The following FGF14 variants were observed in gnomAD, a reference collection of about 807,000 sequenced individuals.
FGF14 encodes fibroblast growth factor homologous factor 4.
In FGF14, 5 loss-of-function variants were observed where a neutral mutation model predicts 25.5. The observed-to-expected ratio is 0.20, with a 90% CI of 0.10 to 0.41. The LOEUF (loss-of-function observed/expected upper bound fraction) is 0.41, where lower values mean the gene tolerates loss of function less well. FGF14 is among the 10% of genes least tolerant of loss of function. The pLI is 1.00. For synonymous variants in FGF14, 138 were observed against 118.3 expected (o/e 1.17, Z -1.08); for missense variants, 222 against 320.1 (o/e 0.69, Z 2.34).
At chr13:101,881,265 C>G (rs1375584884) in intron 1 of FGF14, among the ~76,000 whole-genome samples, 2 of 152,198 alleles carry the variant, frequency 1.3e-5, no homozygotes, top group African/African-American at 2.4e-5. Context: ...GAAAAGCACT[C>G]TTTCCAACAC....
intron 1 of FGF14, among the ~76,000 whole-genome samples, chr13:102,240,741 A>G (rs1427724044): frequency 4.6e-5 from 7 of 152,136 alleles, no homozygotes; most frequent in Non-Finnish European, 5.9e-5. Context: ...TTTTTAAAAC[A>G]TTTTTTTGAA....
At chr13:102,387,655 T>C (rs535316889) in intron 1 of FGF14, among the ~76,000 whole-genome samples, 7 of 152,304 alleles carry the variant, frequency 4.6e-5, no homozygotes, top group African/African-American at 1.7e-4. Context: ...CACAGGGGTT[T>C]GGTGTACAGA....
At chr13:101,725,874 G>A (rs2035385144) in intron 4 of FGF14, among the ~76,000 whole-genome samples, 1 of 152,052 alleles carries the variant, frequency 6.6e-6, no homozygotes, top group Non-Finnish European at 1.5e-5. Flanking sequence ...AATCATTAAT[G>A]AGAGAGGTGC....
chr13:101,721,087 A>ATAAC lies in FGF14; in HGVS notation c.*1740_*1743dup, dbSNP rs1215221253. 1 of 152,146 alleles carries ATAAC rather than the reference A, an allele frequency of 6.6e-6. No individual in the cohort carries two copies. The highest frequency in any genetic ancestry group is 2.4e-5 in the African/African-American group (1 of 41,454). The allele number at this position is 152,146 out of a possible 1,614,324, so 9.4% of individuals were successfully genotyped here. A position where few individuals can be genotyped will look rare whatever the true frequency, so the allele number is the denominator to read the frequency against. ...TGGGTCATCCTCCCACATAGAAAGA[A>ATAAC]TAACAAGAGGCCAGTACATTGATCC... On this transcript the variant is annotated 3_prime_UTR_variant, in exon 5 of 5. Transcript: ENST00000376143.
At chr13:102,272,855 G>A (rs1422849949) in intron 1 of FGF14, among the ~76,000 whole-genome samples, 1 of 152,024 alleles carries the variant, frequency 6.6e-6, no homozygotes, top group Non-Finnish European at 1.5e-5. Flanking sequence ...CTTAACCACT[G>A]TACTATGTAC....
In FGF14 at chr13:102,157,834, AAAC is replaced by A. The variant is rs375132300; in HGVS notation, c.208+243634_208+243636del. ...TCAAACAAATTTACAAGAAAAGAACAAACAACCCCATCAAAAAGTGGGAGAAGA... is the reference window on the plus strand; with the variant it reads ...TCAAACAAATTTACAAGAAAAGAACAAACCCCATCAAAAAGTGGGAGAAGA... On this transcript the variant is annotated intron_variant, in intron 1 of 4. Coordinates refer to the FGF14 transcript ENST00000376131. Among the ~76,000 whole-genome samples, 48 of 152,348 alleles carry A rather than the reference AAAC, an allele frequency of 3.2e-4. 1 individual carries two copies. The East Asian group carries it at 9.1e-3, about 29-fold the overall frequency.
chr13:102,236,236 A>C (rs1297579234), intron 1 of FGF14, among the ~76,000 whole-genome samples: 1 of 152,136 alleles, frequency 6.6e-6, no homozygotes, highest in African/African-American at 2.4e-5. Flanking sequence ...GACTTGCCCG[A>C]ATTATTCGTT....
At chr13:102,033,906 T>A (rs1416861208) in intron 1 of FGF14, among the ~76,000 whole-genome samples, 1 of 152,078 alleles carries the variant, frequency 6.6e-6, no homozygotes, top group Non-Finnish European at 1.5e-5. Flanking sequence ...GGGGCCCATA[T>A]ATTGCATGGT....
At chr13:101,770,697 A>G (rs1336516913) in intron 3 of FGF14, among the ~76,000 whole-genome samples, 8 of 152,144 alleles carry the variant, frequency 5.3e-5, no homozygotes. Flanking sequence ...GAAACTACAA[A>G]AGCTAAAATG....
chr13:101,785,726 G>A, intron 3 of FGF14, among the ~76,000 whole-genome samples: 1 of 152,160 alleles, frequency 6.6e-6, no homozygotes, highest in East Asian at 1.9e-4. Flanking sequence ...TGTTCAGAGG[G>A]TTTTTTTCCT....
At chr13:101,777,502 T>A (rs1317292105) in intron 3 of FGF14, among the ~76,000 whole-genome samples, 1 of 152,168 alleles carries the variant, frequency 6.6e-6, no homozygotes, top group Non-Finnish European at 1.5e-5. Context: ...TGACACTGTT[T>A]GCCTGCTTTG....
chr13:101,713,277 A>C lies in FGF14; in HGVS notation c.*9554T>G, dbSNP rs1039850054. ...CAACTCCTTTTTCCTGATCACTTTA[A>C]TCACCCAGGCTGTTAACTCATTTTT... On this transcript the variant is annotated 3_prime_UTR_variant, in exon 5 of 5. Transcript: ENST00000376143. 2.6e-5 allele frequency: 4 copies of C among 152,158 alleles called. No homozygotes were observed. Among genetic ancestry groups the C allele is most frequent in the Non-Finnish European group, 4.4e-5 (3 of 68,014 alleles). 9.4% of individuals were successfully genotyped at this position (152,158 alleles called of 1,614,324 possible).
chr13:102,259,018 A>T (rs570503187), intron 1 of FGF14, among the ~76,000 whole-genome samples: 2 of 152,302 alleles, frequency 1.3e-5, no homozygotes, highest in African/African-American at 4.8e-5. Context: ...AAAAAAGAAC[A>T]TGATCTGAAA....
rs80271779 is a variant in FGF14 at position 102,130,308 on chromosome 13, G to T, written c.209-255012C>A. Among the ~76,000 whole-genome samples the T allele has an allele frequency of 2.7e-4, 41 of 152,266 alleles. No individual in the cohort carries two copies. In the East Asian group the frequency reaches 7.7e-3, roughly 29 times the overall value. On this transcript the variant is annotated intron_variant, in intron 1 of 4. Coordinates refer to the FGF14 transcript ENST00000376131. ...GGCTGTGTTCTTTCTGGTGGCTCCA[G>T]GGAAGCTGGGTCTACCTGCTTTTTC...
intron 1 of FGF14, among the ~76,000 whole-genome samples, chr13:102,239,738 T>C (rs1037008206): frequency 5.3e-5 from 8 of 152,166 alleles, no homozygotes; most frequent in Non-Finnish European, 1.2e-4. Flanking sequence ...GTTTTATGAC[T>C]CAGTATTTAC....
intron 3 of FGF14, among the ~76,000 whole-genome samples, chr13:101,745,061 T>A (rs9585765): frequency 0.049 from 7,389 of 152,176 alleles, 195 homozygotes; most frequent in Middle Eastern, 0.065. Context: ...GTTCATTTTA[T>A]TTGGGAGAAA....
At chr13:101,834,024 T>G (rs2042803866) in intron 3 of FGF14, among the ~76,000 whole-genome samples, 1 of 152,114 alleles carries the variant, frequency 6.6e-6, no homozygotes, top group African/African-American at 2.4e-5. Flanking sequence ...CTGCTTCATT[T>G]CTGAAACGAA....
In FGF14 at chr13:101,850,646, C is replaced by CATTCTCTATATA. The variant is rs762734763; in HGVS notation, c.408+18067_408+18078dup. 6.5e-3 allele frequency among the ~76,000 whole-genome samples: 897 copies of CATTCTCTATATA among 137,928 alleles called. 10 individuals carry two copies. Among genetic ancestry groups the CATTCTCTATATA allele is most frequent in the South Asian group, 0.017 (76 of 4,446 alleles). The allele number at this position is 137,928 out of a possible 152,430, so 90.5% of individuals were successfully genotyped here. A position where few individuals can be genotyped will look rare whatever the true frequency, so the allele number is the denominator to read the frequency against. On this transcript the variant is annotated intron_variant, in intron 3 of 4. Transcript: ENST00000376143. ...CTATATATATAGAAATGGATATATA[C>CATTCTCTATATA]ATTCTCTATATATTCTATATAGAGA...
At chr13:102,153,021 G>T (rs2140512734) in intron 1 of FGF14, among the ~76,000 whole-genome samples, 1 of 152,322 alleles carries the variant, frequency 6.6e-6, no homozygotes, top group African/African-American at 2.4e-5. Context: ...GGGTGGAGCT[G>T]CTGGGAGCTG....
Sources: allele counts gnomAD v4.1 joint callset (sites outside exome capture counted in the v4.1 genomes callset), GRCh38; gene constraint gnomAD v4.1.1; transcripts MANE v1.5; gene names NCBI Gene and HGNC (gene_info 2026-07-23, HGNC 2026-07-21).